Variants in NOX4 observed in about 807,000 individuals in gnomAD.
NOX4 encodes NADPH oxidase 4.
Under a neutral mutation model 87.6 loss-of-function variants are expected in NOX4, and 69 were observed. The observed-to-expected ratio is 0.79, with a 90% confidence interval of 0.65 to 0.96. NOX4 has a LOEUF of 0.96. Among genes scored for constraint, NOX4 ranks in the 40% least tolerant of loss-of-function variants. The pLI is 0.00. For synonymous variants in NOX4, 275 were observed against 238.2 expected (o/e 1.15, Z -1.42); for missense variants, 680 against 681.5 (o/e 1.00, Z 0.02).
intron 7 of NOX4, among the ~76,000 whole-genome samples, chr11:89,425,567 T>G (rs186349263): frequency 4.0e-4 from 61 of 151,998 alleles, no homozygotes; most frequent in Admixed American, 3.8e-3. Flanking sequence ...TAATATAAAT[T>G]TAGGCAAAAA....
intron 12 of NOX4, among the ~76,000 whole-genome samples, chr11:89,365,001 A>T (rs1307014873): frequency 1.3e-5 from 2 of 152,140 alleles, no homozygotes; most frequent in African/African-American, 4.8e-5. Flanking sequence ...CACTGCCGTC[A>T]TACTGCCTTA....
rs1944853622 is a variant in NOX4, at chr11:89,449,475, T to C, written c.314A>G (p.His105Arg). 1.2e-6 allele frequency: 2 copies of C among 1,612,266 alleles called. No homozygotes were observed. Residue 105 changes from histidine to arginine, a missense_variant, in exon 4 of 18, where the codon CAT becomes CGT. His to Arg is a conservative substitution (Grantham distance 29). Transcript: ENST00000263317. ...RRLLDKSRTF[H>R]ITCGVTICIF... ...ACAGATAGTAACACCACAGGTAATATGGAATGTTCTGCTTTTATCCAACAA... is the reference window on the plus strand; with the variant it reads ...ACAGATAGTAACACCACAGGTAATACGGAATGTTCTGCTTTTATCCAACAA...
At chr11:89,377,882 C>A (rs1255053109) in intron 11 of NOX4, among the ~76,000 whole-genome samples, 1 of 152,062 alleles carries the variant, frequency 6.6e-6, no homozygotes, top group Admixed American at 6.6e-5. Flanking sequence ...GACATTTATA[C>A]CTGAAATTCA....
At chr11:89,469,960 T>C (rs989582883) in intron 2 of NOX4, among the ~76,000 whole-genome samples, 2 of 152,040 alleles carry the variant, frequency 1.3e-5, no homozygotes, top group Non-Finnish European at 2.9e-5. Context: ...CACTCATTGA[T>C]TTAGAGGACA....
At chr11:89,491,166 GGA>G (rs1231297434) in intron 1 of NOX4, 22 bp downstream of exon 1, 1 of 1,610,992 alleles carries the variant, frequency 6.2e-7, no homozygotes, top group South Asian at 1.1e-5. Context: ...GAGAACGCAA[GGA>G]GAGCCTAGCC....
intron 13 of NOX4, among the ~76,000 whole-genome samples, chr11:89,352,113 A>AG (rs1946482757): frequency 6.6e-6 from 1 of 152,148 alleles, no homozygotes; most frequent in Admixed American, 6.6e-5. Context: ...GAAAGGTTGC[A>AG]GGGGGGCTAG....
At chr11:89,509,124 T>C in the NOX4 span, among the ~76,000 whole-genome samples, 4 of 152,054 alleles carry the variant, frequency 2.6e-5, no homozygotes, top group Non-Finnish European at 1.5e-5. Flanking sequence ...AAGCACAATA[T>C]ACCAATATAC....
At chr11:89,378,375 C>T (rs976589044) in intron 11 of NOX4, among the ~76,000 whole-genome samples, 3 of 152,140 alleles carry the variant, frequency 2.0e-5, no homozygotes, top group Admixed American at 2.0e-4. Flanking sequence ...TATCTTAAAG[C>T]CATCATTTCA....
At chr11:89,512,957 A>G in the NOX4 span, among the ~76,000 whole-genome samples, 1 of 152,114 alleles carries the variant, frequency 6.6e-6, no homozygotes, top group South Asian at 2.1e-4. Flanking sequence ...TTCTGAAAAT[A>G]TGTTGAGGAA....
intron 6 of NOX4, among the ~76,000 whole-genome samples, chr11:89,437,757 A>G (rs181439541): frequency 6.6e-5 from 10 of 152,196 alleles, no homozygotes; most frequent in Non-Finnish European, 1.2e-4. Context: ...GAAATAAACT[A>G]TTCTACAACA....
chr11:89,516,567 T>G, the NOX4 span, among the ~76,000 whole-genome samples: 1,111 of 152,148 alleles, frequency 7.3e-3, 11 homozygotes, highest in African/African-American at 0.025. Context: ...AGTAGCAAAC[T>G]CATATCTTAC....
rs1167506352 is a variant in NOX4, at chr11:89,325,116, T to C, written c.*1640A>G. The C allele has an allele frequency of 3.7e-5, 2 of 54,040 alleles. No homozygotes were observed. The allele number at this position is 54,040 out of a possible 1,614,324, so 3.3% of individuals were successfully genotyped here. A position where few individuals can be genotyped will look rare whatever the true frequency, so the allele number is the denominator to read the frequency against. On this transcript the variant is annotated 3_prime_UTR_variant, in exon 18 of 18. Transcript: ENST00000263317. The stretch of plus-strand genomic sequence containing the variant: ...CTAAACTGTATGAATGCTTTAATTC[T>C]TTTTTTTTTTTTTTTTTTTTTTTTT...
At chr11:89,513,105 G>A in the NOX4 span, among the ~76,000 whole-genome samples, 1 of 152,054 alleles carries the variant, frequency 6.6e-6, no homozygotes, top group African/African-American at 2.4e-5. Flanking sequence ...CAGATGACCA[G>A]AAGTCAGGAG....
the NOX4 span, among the ~76,000 whole-genome samples, chr11:89,553,899 CAA>C: frequency 1.5e-5 from 2 of 137,912 alleles, no homozygotes; most frequent in African/African-American, 5.4e-5. Context: ...TTTTTAATGA[CAA>C]GAGGTAGTTT....
At chr11:89,557,341 A>T in the NOX4 span, 6 of 152,134 alleles carry the variant, frequency 3.9e-5, no homozygotes, top group Non-Finnish European at 8.8e-5. Flanking sequence ...GAAACACTTC[A>T]CTGACAACTA....
At chr11:89,409,123 T>C (rs1942338197) in intron 8 of NOX4, among the ~76,000 whole-genome samples, 1 of 152,156 alleles carries the variant, frequency 6.6e-6, no homozygotes, top group Non-Finnish European at 1.5e-5. Flanking sequence ...CATCCATTAC[T>C]TCTTAGTATT....
chr11:89,438,120 G>A (rs1301738517), intron 6 of NOX4, among the ~76,000 whole-genome samples: 2 of 150,534 alleles, frequency 1.3e-5, no homozygotes, highest in African/African-American at 4.9e-5. Flanking sequence ...CACTCATGGG[G>A]ACCTCTGGGA....
intron 2 of NOX4, among the ~76,000 whole-genome samples, chr11:89,470,206 T>C (rs1945870312): frequency 6.6e-6 from 1 of 152,170 alleles, no homozygotes. Flanking sequence ...ATTATCATCA[T>C]CCTAGTGTCC....
At chr11:89,421,846 T>C in intron 8 of NOX4, 56 bp downstream of exon 8, 1 of 1,056,796 alleles carries the variant, frequency 9.5e-7, no homozygotes, top group Non-Finnish European at 1.4e-6. Context: ...GAGTTTTCTT[T>C]CATTACCCCA....
Sources: gnomAD v4.1 joint callset for allele counts (sites outside exome capture counted in the v4.1 genomes callset) on GRCh38, gnomAD v4.1.1 for gene constraint, MANE v1.5 for transcripts, NCBI Gene and HGNC (gene_info 2026-07-23, HGNC 2026-07-21) for gene names.